CALN1: variants seen among roughly 807,000 people sequenced by gnomAD.
The protein encoded by CALN1 is calcium-binding protein 8.
A neutral mutation model predicts 30.6 loss-of-function variants in CALN1; 17 were observed. The observed-to-expected ratio is 0.56, with a 90% CI of 0.38 to 0.83. The LOEUF (loss-of-function observed/expected upper bound fraction) is 0.83. Among genes scored for constraint, CALN1 ranks in the 40% least tolerant of loss-of-function variants. The pLI is 0.00. For synonymous variants in CALN1, 156 were observed against 131.4 expected (o/e 1.19, Z -1.28); for missense variants, 291 against 354.9 (o/e 0.82, Z 1.45).
intron 1 of CALN1, among the ~76,000 whole-genome samples, chr7:72,427,489 T>C (rs886624062): frequency 2.6e-5 from 4 of 152,128 alleles, no homozygotes; most frequent in African/African-American, 9.7e-5. Flanking sequence ...AGATACTCTG[T>C]AGGCACCTTA....
chr7:71,927,238 C>T (rs1043649416), intron 5 of CALN1, among the ~76,000 whole-genome samples: 3 of 152,150 alleles, frequency 2.0e-5, no homozygotes, highest in African/African-American at 7.2e-5. Flanking sequence ...GAGACAGAGT[C>T]TCACTCTGTT....
At chr7:71,989,806 T>C (rs908437325) in intron 5 of CALN1, among the ~76,000 whole-genome samples, 1 of 151,946 alleles carries the variant, frequency 6.6e-6, no homozygotes. Context: ...TAACACAGCT[T>C]AGTGTCTTAA....
At chr7:71,999,035 A>T (rs983279365) in intron 5 of CALN1, among the ~76,000 whole-genome samples, 1 of 152,188 alleles carries the variant, frequency 6.6e-6, no homozygotes, top group Non-Finnish European at 1.5e-5. Flanking sequence ...GTACACCAAT[A>T]AAAAAACAGA....
chr7:72,217,883 T>C (rs1360577010), intron 3 of CALN1, among the ~76,000 whole-genome samples: 2 of 130,462 alleles, frequency 1.5e-5, no homozygotes, highest in African/African-American at 5.9e-5. Context: ...CGCTGTTTCA[T>C]GCGGGCTGGA....
chr7:72,387,657 C>G (rs1188228083), intron 2 of CALN1, among the ~76,000 whole-genome samples: 5 of 152,290 alleles, frequency 3.3e-5, no homozygotes, highest in African/African-American at 4.8e-5. Flanking sequence ...CCACTTGAGA[C>G]AGTCTACAAT....
At chr7:72,081,872 C>A (rs1436055253) in intron 4 of CALN1, among the ~76,000 whole-genome samples, 2 of 152,136 alleles carry the variant, frequency 1.3e-5, no homozygotes, top group Non-Finnish European at 2.9e-5. Flanking sequence ...ATAAAGAAAT[C>A]TAAAAAAGAT....
At chr7:72,082,473 G>A (rs1805213175) in intron 4 of CALN1, among the ~76,000 whole-genome samples, 1 of 152,168 alleles carries the variant, frequency 6.6e-6, no homozygotes, top group Non-Finnish European at 1.5e-5. Context: ...CATGGCTGAG[G>A]TCCCTCCTGC....
intron 3 of CALN1, among the ~76,000 whole-genome samples, chr7:72,274,544 T>A (rs907250162): frequency 1.3e-5 from 2 of 151,326 alleles, no homozygotes; most frequent in African/African-American, 4.8e-5. Flanking sequence ...GATTATTCAA[T>A]AAATAGCATT....
At chr7:72,383,557 G>C (rs753759018) in intron 2 of CALN1, among the ~76,000 whole-genome samples, 2 of 152,160 alleles carry the variant, frequency 1.3e-5, no homozygotes, top group Non-Finnish European at 2.9e-5. Flanking sequence ...GTAATCCCCA[G>C]AGAGCAGGCC....
intron 3 of CALN1, among the ~76,000 whole-genome samples, chr7:72,173,315 A>G (rs1419648986): frequency 6.6e-6 from 1 of 152,134 alleles, no homozygotes; most frequent in Admixed American, 6.5e-5. Flanking sequence ...CTTAAGGAAG[A>G]CCTAAATGAA....
intron 3 of CALN1, among the ~76,000 whole-genome samples, chr7:72,137,695 G>A (rs757802209): frequency 2.6e-5 from 4 of 152,182 alleles, no homozygotes; most frequent in Non-Finnish European, 5.9e-5. Flanking sequence ...TAGAGTCTGT[G>A]GATTAGGTGG....
chr7:71,864,703 T>C (rs1298417775), intron 5 of CALN1, among the ~76,000 whole-genome samples: 1 of 152,088 alleles, frequency 6.6e-6, no homozygotes, highest in Non-Finnish European at 1.5e-5. Context: ...TATACAACAA[T>C]AGAAAATAAA....
intron 1 of CALN1, among the ~76,000 whole-genome samples, chr7:72,440,286 C>T (rs769527837): frequency 6.6e-6 from 1 of 152,208 alleles, no homozygotes; most frequent in Non-Finnish European, 1.5e-5. Context: ...TTCACCCATA[C>T]AATGATTATC....
chr7:72,298,675 G>A (rs529771502), intron 2 of CALN1, among the ~76,000 whole-genome samples: 21 of 152,084 alleles, frequency 1.4e-4, no homozygotes, highest in African/African-American at 4.6e-4. Context: ...TTCATCCCAA[G>A]CCAAATCTCA....
intron 2 of CALN1, among the ~76,000 whole-genome samples, chr7:72,368,972 G>C (rs1041307339): frequency 2.6e-5 from 4 of 151,090 alleles, no homozygotes. Flanking sequence ...CCGCCACCAC[G>C]CCCAGCTAAT....
intron 5 of CALN1, among the ~76,000 whole-genome samples, chr7:71,877,119 A>G (rs1179408381): frequency 6.6e-6 from 1 of 152,204 alleles, no homozygotes; most frequent in African/African-American, 2.4e-5. Flanking sequence ...AAAAAAAACC[A>G]TATAAATATC....
intron 2 of CALN1, among the ~76,000 whole-genome samples, chr7:72,316,842 G>A (rs1800485281): frequency 6.6e-6 from 1 of 151,858 alleles, no homozygotes; most frequent in African/African-American, 2.4e-5. Flanking sequence ...CTATTCTGGA[G>A]GCTGAGGCAG....
chr7:72,335,321 T>C (rs1269315984), intron 2 of CALN1, among the ~76,000 whole-genome samples: 3 of 152,156 alleles, frequency 2.0e-5, no homozygotes, highest in African/African-American at 7.2e-5. Context: ...GAAAAATAAT[T>C]TCCCTTTTTG....
chr7:72,331,148 G>A (rs1235507621), intron 2 of CALN1, among the ~76,000 whole-genome samples: 3 of 151,948 alleles, frequency 2.0e-5, no homozygotes, highest in South Asian at 4.2e-4. Flanking sequence ...TCAGGAGTTC[G>A]AGACCAGCCT....
Sources: allele counts gnomAD v4.1 joint callset (sites outside exome capture counted in the v4.1 genomes callset), GRCh38; gene constraint gnomAD v4.1.1; transcripts MANE v1.5; gene names NCBI Gene and HGNC (gene_info 2026-07-23, HGNC 2026-07-21).